HNRNPK: variants seen among roughly 807,000 people sequenced by gnomAD.
The protein encoded by HNRNPK is dC-stretch binding protein.
Under a neutral mutation model 67.0 loss-of-function variants are expected in HNRNPK, and 7 were observed. The observed-to-expected ratio is 0.10, with a 90% CI of 0.06 to 0.20. HNRNPK has a LOEUF of 0.20. HNRNPK is among the 10% of genes least tolerant of loss of function. The pLI, the probability that HNRNPK is intolerant of heterozygous loss-of-function variation, is 1.00. For missense variants in HNRNPK, 264 were observed against 606.5 expected (o/e 0.44, Z 5.93); for synonymous variants, 213 against 193.7 (o/e 1.10, Z -0.83).
rs928029809 is a variant in HNRNPK at position 83,972,770 on chromosome 9, C to T, written c.645+74G>A. On this transcript the variant is annotated intron_variant, in intron 10 of 16. Transcript: ENST00000376263. ...AATAAAGACTATTAGACTAAATGCT[C>T]TGAAGCTACTTTTGCAGAAGGTTAT... The T allele has an allele frequency of 7.7e-6, 9 of 1,170,526 alleles. No individual in the cohort carries two copies. In the African/African-American group the frequency reaches 1.4e-4, roughly 18 times the overall value. The allele number at this position is 1,170,526 out of a possible 1,614,324, so 72.5% of individuals were successfully genotyped here.
In HNRNPK at chr9:83,973,924, G is replaced by C; in HGVS notation, c.380C>G (p.Ser127Cys). The change falls in exon 8 of 17, where the codon TCT (serine) becomes TGT (cysteine). Residue 127 changes from serine (S) to cysteine (C), a missense_variant. Transcript: ENST00000376263. ...PTATSQLPLE[S>C]DAVECLNYQH... ...TACATTTAAGCATTCCACAGCATCA[G>C]ATTCGAGCGGGAGCTGGCTGGTTGC... 1 of 1,613,818 alleles carries C rather than the reference G, an allele frequency of 6.2e-7. No homozygotes were observed. Among genetic ancestry groups the C allele is most frequent in the Non-Finnish European group, 8.5e-7 (1 of 1,179,804 alleles).
chr9:83,972,574 G>A (rs974627253), intron 10 of HNRNPK, among the ~76,000 whole-genome samples: 3 of 152,180 alleles, frequency 2.0e-5, no homozygotes, highest in African/African-American at 7.2e-5. Flanking sequence ...GAGATAGGAA[G>A]CCCTGCAGCA....
chr9:83,975,788 C>G, intron 5 of HNRNPK: 1 of 466,646 alleles, frequency 2.1e-6, no homozygotes, highest in South Asian at 3.1e-5. Flanking sequence ...TACTCATACT[C>G]TCAATGAAAC....
rs1328911569 is a variant in HNRNPK, at chr9:83,970,915, A to G, written c.1093-3T>C. On this transcript the variant is annotated splice_region_variant and splice_polypyrimidine_tract_variant and intron_variant, in intron 13 of 16. Coordinates refer to ENST00000376263, the MANE Select transcript of HNRNPK (RefSeq NM_031263.4). The stretch of plus-strand genomic sequence containing the variant: ...AACTTACCATATCCGGAGCCACCCT[A>G]AAAACAGAAAGAAAAAAATAGAAAA... 1 of 1,612,190 alleles carries G rather than the reference A, an allele frequency of 6.2e-7. No homozygotes were observed.
At chr9:83,972,723 G>GAAA in intron 10 of HNRNPK, 121 bp downstream of exon 10, 1 of 672,922 alleles carries the variant, frequency 1.5e-6, no homozygotes, top group Non-Finnish European at 2.4e-6. Context: ...CCAGGTGATA[G>GAAA]AAAATTGCTA....
chr9:83,972,636 G>C (rs930453897), intron 10 of HNRNPK, among the ~76,000 whole-genome samples: 1 of 152,174 alleles, frequency 6.6e-6, no homozygotes, highest in African/African-American at 2.4e-5. Flanking sequence ...AAGGCTCAAA[G>C]GCTATAGAAA....
At chr9:83,974,424 G>T in intron 7 of HNRNPK, 93 bp downstream of exon 7, 2 of 594,756 alleles carry the variant, frequency 3.4e-6, no homozygotes, top group Non-Finnish European at 5.9e-6. Flanking sequence ...CATATCCATT[G>T]TCTCTCCACC....
upstream of HNRNPK, chr9:83,980,342 G>A (rs1246863273): frequency 1.3e-5 from 2 of 152,308 alleles, no homozygotes; most frequent in Admixed American, 1.3e-4. Context: ...CAAGGCGACG[G>A]AGGAGGCGAC....
chr9:83,976,785 G>A lies in HNRNPK; in HGVS notation c.213+210C>T, dbSNP rs115207157. 698 of 418,976 alleles carry A rather than the reference G, an allele frequency of 1.7e-3. 3 individuals are homozygous for A. The highest frequency in any genetic ancestry group is 0.012 in the African/African-American group (614 of 49,592). 26.0% of individuals were successfully genotyped at this position (418,976 alleles called of 1,614,324 possible). ...TGGACTCTTATTAAAATGTGAAGAG[G>A]TTTGAAAGAAACCACCCCCCCACCC... On this transcript the variant is annotated intron_variant, in intron 5 of 16. Coordinates refer to ENST00000376263, the MANE Select transcript of HNRNPK (RefSeq NM_031263.4).
intron 4 of HNRNPK, among the ~76,000 whole-genome samples, chr9:83,977,277 C>A (rs1418183675): frequency 6.6e-6 from 1 of 152,112 alleles, no homozygotes; most frequent in Non-Finnish European, 1.5e-5. Context: ...AGAAATAACA[C>A]CAAGTATAAA....
chr9:83,969,083 A>G lies in HNRNPK; in HGVS notation c.*324T>C. 2.0e-6 allele frequency: 1 copy of G among 490,246 alleles called. No homozygotes were observed. The highest frequency in any genetic ancestry group is 3.6e-6 in the Non-Finnish European group (1 of 276,410). The allele number at this position is 490,246 out of a possible 1,614,324, so 30.4% of individuals were successfully genotyped here. ...AAAGCAAGGTGTTCACAATAATTAC[A>G]TGGGGGGAATTTTTTAAACCACCAA... is the stretch of plus-strand genomic sequence containing the variant. On this transcript the variant is annotated 3_prime_UTR_variant, in exon 17 of 17. Coordinates refer to ENST00000376263, the MANE Select transcript of HNRNPK (RefSeq NM_031263.4).
intron 5 of HNRNPK, 88 bp from the exon 6 acceptor site, chr9:83,975,593 G>A: frequency 2.5e-6 from 3 of 1,189,964 alleles, no homozygotes; most frequent in Non-Finnish European, 1.3e-6. Flanking sequence ...GTTTGGCAAC[G>A]AGCACATTTT....
At chr9:83,971,034 CG>C (rs1956810788) in intron 13 of HNRNPK, 122 bp from the exon 14 acceptor site, 1 of 983,088 alleles carries the variant, frequency 1.0e-6, no homozygotes, top group Admixed American at 2.0e-5. Flanking sequence ...CTCAAACTCT[CG>C]GGCTCAAGTG....
chr9:83,974,592 G>A lies in HNRNPK; in HGVS notation c.258-3C>T, dbSNP rs1314105128. On this transcript the variant is annotated splice_region_variant and splice_polypyrimidine_tract_variant and intron_variant, in intron 6 of 16. Coordinates refer to ENST00000376263, the MANE Select transcript of HNRNPK (RefSeq NM_031263.4). ...TATCAGCACTGATACTCAATATGCT[G>A]TCAAACACCACAAATACCAGATAGT... is the stretch of plus-strand genomic sequence containing the variant. 2.5e-6 allele frequency: 4 copies of A among 1,593,650 alleles called. No individual in the cohort carries two copies. Among genetic ancestry groups the A allele is most frequent in the Non-Finnish European group, 3.4e-6 (4 of 1,165,602 alleles).
At chr9:83,973,188 A>C in intron 9 of HNRNPK, 98 bp downstream of exon 9, 1 of 817,072 alleles carries the variant, frequency 1.2e-6, no homozygotes, top group South Asian at 1.5e-5. Flanking sequence ...CAATCTTTGG[A>C]GGGAACTGAG....
chr9:83,970,570 C>G (rs1417801588), intron 15 of HNRNPK, 167 bp downstream of exon 15: 14 of 655,898 alleles, frequency 2.1e-5, no homozygotes, highest in African/African-American at 3.7e-5. Context: ...GCACTGATCA[C>G]TTGACAAGAC....
Position 83,969,194 on chromosome 9 carries a change from C to CT in HNRNPK, c.*212dup. ...TTGCACGCCCTTCCCCCCCCCAACCCTGTTTGTAAGGAACTAAAACATTAC... is the reference window on the plus strand; with the variant it reads ...TTGCACGCCCTTCCCCCCCCCAACCCTTGTTTGTAAGGAACTAAAACATTAC... On this transcript the variant is annotated 3_prime_UTR_variant, in exon 17 of 17. Coordinates refer to ENST00000376263, the MANE Select transcript of HNRNPK (RefSeq NM_031263.4). The CT allele has an allele frequency of 1.7e-6, 1 of 571,502 alleles. No individual in the cohort carries two copies. Among genetic ancestry groups the CT allele is most frequent in the Non-Finnish European group, 3.2e-6 (1 of 316,044 alleles). The allele number at this position is 571,502 out of a possible 1,614,324, so 35.4% of individuals were successfully genotyped here. A position where few individuals can be genotyped will look rare whatever the true frequency, so the allele number is the denominator to read the frequency against.
At position 83,971,701 on chromosome 9, in the gene HNRNPK, C is replaced by T; in HGVS notation, c.979G>A (p.Gly327Arg). 6.2e-7 allele frequency: 1 copy of T among 1,614,044 alleles called. No homozygotes were observed. Among genetic ancestry groups the T allele is most frequent in the Non-Finnish European group, 8.5e-7 (1 of 1,179,886 alleles). ...CCGTCGTAACGGTCTCCAGGTCTCC[C>T]TCTTCTGTCATAGGCCATGAGGTCT... The part of the protein sequence containing the change: ...GGDLMAYDRR[G>R]RPGDRYDGMV... The change falls in exon 12 of 17, where the codon GGG (glycine) becomes AGG (arginine). Residue 327 changes from glycine to arginine, a missense_variant. Gly to Arg is a moderately radical substitution (Grantham distance 125, BLOSUM62 -2). This residue lies in a region of HNRNPK where 142 missense variants were observed against 256.5 expected (regional missense o/e 0.55). Coordinates refer to ENST00000376263, the MANE Select transcript of HNRNPK (RefSeq NM_031263.4).
In HNRNPK at chr9:83,969,180, T is replaced by TC. The variant is rs369234036; in HGVS notation, c.*226dup. On this transcript the variant is annotated 3_prime_UTR_variant, in exon 17 of 17. Transcript: ENST00000376263. ...TTCAATGTTAGTTTTTGCACGCCCT[T>TC]CCCCCCCCCAACCCTGTTTGTAAGG... 737 of 512,200 alleles carry TC rather than the reference T, an allele frequency of 1.4e-3. 1 individual carries two copies. Among genetic ancestry groups the TC allele is most frequent in the South Asian group, 4.8e-3 (158 of 32,716 alleles). 31.7% of individuals were successfully genotyped at this position (512,200 alleles called of 1,614,324 possible).
Sources: gnomAD v4.1 joint callset for allele counts (sites outside exome capture counted in the v4.1 genomes callset) on GRCh38, gnomAD v4.1.1 for gene constraint, gnomAD v4.1.1 regional missense constraint, MANE v1.5 for transcripts, NCBI Gene and HGNC (gene_info 2026-07-23, HGNC 2026-07-21) for gene names.